Variants in LDLRAD4 observed in about 807,000 individuals in gnomAD.
LDLRAD4 encodes the protein low density lipoprotein receptor class A domain containing 4, also known as low-density lipoprotein receptor class A domain-containing protein 4.
A neutral mutation model predicts 17.0 loss-of-function variants in LDLRAD4; 5 were observed. The ratio of observed to expected loss-of-function variants is 0.29; its 90% CI spans 0.15 to 0.62. LDLRAD4 has a LOEUF of 0.62. Ranked by LOEUF, LDLRAD4 falls within the 20% of genes least tolerant of loss-of-function variation. The pLI is 0.84. For missense variants in LDLRAD4, 340 were observed against 424.7 expected, an observed-to-expected ratio of 0.80 and a Z score of 1.75; for synonymous variants, 168 against 171.8, an observed-to-expected ratio of 0.98 and a Z score of 0.17.
At chr18:13,469,105 G>T (rs1350644492) in intron 3 of LDLRAD4, among the ~76,000 whole-genome samples, 8 of 151,482 alleles carry the variant, frequency 5.3e-5, no homozygotes, top group Admixed American at 5.3e-4. Context: ...AAGAAGATAT[G>T]CAATGACCAA....
chr18:13,310,548 C>A (rs187584920), intron 1 of LDLRAD4, among the ~76,000 whole-genome samples: 102 of 152,306 alleles, frequency 6.7e-4, no homozygotes, highest in Non-Finnish European at 1.3e-3. Context: ...AAAGCCAGAG[C>A]AGGGCTTTGT....
At chr18:13,273,533 C>T (rs753930008), upstream of LDLRAD4, among the ~76,000 whole-genome samples, 2 of 152,086 alleles carry the variant, frequency 1.3e-5, no homozygotes, top group Non-Finnish European at 2.9e-5. Context: ...CTTAAGCTAT[C>T]CTCCCACCTT....
At chr18:13,356,851 A>G (rs2083374072) in intron 1 of LDLRAD4, among the ~76,000 whole-genome samples, 1 of 152,240 alleles carries the variant, frequency 6.6e-6, no homozygotes, top group Non-Finnish European at 1.5e-5. Context: ...AATGTCTTTT[A>G]GGTCAGGCGC....
At chr18:13,434,728 T>C (rs1437930110) in intron 2 of LDLRAD4, among the ~76,000 whole-genome samples, 4 of 152,246 alleles carry the variant, frequency 2.6e-5, no homozygotes, top group Admixed American at 2.0e-4. Context: ...CTGGGCCCTG[T>C]AGTCAGCAAT....
chr18:13,384,841 A>G (rs2085668119), intron 1 of LDLRAD4, among the ~76,000 whole-genome samples: 1 of 152,048 alleles, frequency 6.6e-6, no homozygotes, highest in Admixed American at 6.5e-5. Context: ...GTTGTATAGT[A>G]CTCCATTGTG....
chr18:13,258,018 C>T (rs1180742338), intron 1 of LDLRAD4, among the ~76,000 whole-genome samples: 1 of 152,150 alleles, frequency 6.6e-6, no homozygotes, highest in East Asian at 1.9e-4. Context: ...CACTGCACTT[C>T]AGCCTGGGCA....
At chr18:13,249,329 G>A (rs2043119273) in intron 1 of LDLRAD4, among the ~76,000 whole-genome samples, 1 of 152,160 alleles carries the variant, frequency 6.6e-6, no homozygotes, top group Non-Finnish European at 1.5e-5. Flanking sequence ...CTTCTATACT[G>A]TTCTGTAGTG....
At chr18:13,448,671 A>G (rs1388105007) in intron 3 of LDLRAD4, among the ~76,000 whole-genome samples, 2 of 152,036 alleles carry the variant, frequency 1.3e-5, no homozygotes, top group Non-Finnish European at 2.9e-5. Flanking sequence ...GACCACCGAT[A>G]AGGCGGGAGG....
chr18:13,294,195 G>A (rs2046135767), intron 1 of LDLRAD4, among the ~76,000 whole-genome samples: 1 of 152,232 alleles, frequency 6.6e-6, no homozygotes. Flanking sequence ...GGTGATTTAA[G>A]TTTAACTCTG....
chr18:13,225,412 G>T (rs1318552847), intron 1 of LDLRAD4, among the ~76,000 whole-genome samples: 1 of 152,242 alleles, frequency 6.6e-6, no homozygotes, highest in Non-Finnish European at 1.5e-5. Context: ...ATACTACCAG[G>T]TGTCCCACAT....
At chr18:13,620,904 C>G (rs919805110) in intron 3 of LDLRAD4, 2 of 633,524 alleles carry the variant, frequency 3.2e-6, no homozygotes, top group Non-Finnish European at 5.5e-6. Flanking sequence ...AGAGGCTTCC[C>G]GCTCCCCGCA....
chr18:13,490,479 A>G (rs1600773648), intron 3 of LDLRAD4: 1 of 152,226 alleles, frequency 6.6e-6, no homozygotes, highest in East Asian at 1.9e-4. Context: ...AACCTATATT[A>G]TGAAGTGGTA....
chr18:13,548,361 G>A (rs932315338), intron 3 of LDLRAD4, among the ~76,000 whole-genome samples: 5 of 152,298 alleles, frequency 3.3e-5, no homozygotes, highest in Admixed American at 3.3e-4. Flanking sequence ...GGCATTCATG[G>A]CGCCCAGGCT....
chr18:13,285,184 A>G (rs1183174126), intron 1 of LDLRAD4, among the ~76,000 whole-genome samples: 1 of 152,224 alleles, frequency 6.6e-6, no homozygotes, highest in Non-Finnish European at 1.5e-5. Flanking sequence ...TGTAAGCCCC[A>G]GGGGCCCAGG....
chr18:13,221,106 T>G (rs1175529456), intron 1 of LDLRAD4, among the ~76,000 whole-genome samples: 1 of 152,186 alleles, frequency 6.6e-6, no homozygotes. Context: ...CTTCTTCCTG[T>G]GTAAGAGTTA....
intron 2 of LDLRAD4, among the ~76,000 whole-genome samples, chr18:13,425,192 G>A (rs1433592402): frequency 2.0e-5 from 3 of 152,178 alleles, no homozygotes; most frequent in Admixed American, 2.0e-4. Flanking sequence ...TGATTCATTT[G>A]TTTTTGCTTC....
intron 3 of LDLRAD4, among the ~76,000 whole-genome samples, chr18:13,577,351 T>G (rs1682637626): frequency 6.6e-6 from 1 of 152,206 alleles, no homozygotes. Context: ...TTGAGGACCC[T>G]GCAGCGGCAG....
chr18:13,239,389 A>G (rs943387685), intron 1 of LDLRAD4, among the ~76,000 whole-genome samples: 7 of 152,158 alleles, frequency 4.6e-5, no homozygotes, highest in African/African-American at 1.4e-4. Context: ...AAGTTTAAAC[A>G]GACTCCCTCT....
intron 3 of LDLRAD4, among the ~76,000 whole-genome samples, chr18:13,539,589 T>C (rs952413958): frequency 1.3e-5 from 2 of 152,112 alleles, no homozygotes; most frequent in African/African-American, 4.8e-5. Context: ...ATGCACCTAT[T>C]TAGTATTTAT....
Sources: allele counts gnomAD v4.1 joint callset (sites outside exome capture counted in the v4.1 genomes callset), GRCh38; gene constraint gnomAD v4.1.1; transcripts MANE v1.5; gene names NCBI Gene and HGNC (gene_info 2026-07-23, HGNC 2026-07-21).